The following EPHA5 variants were observed in gnomAD, a reference collection of about 807,000 sequenced individuals.
EPHA5 encodes ephrin type-A receptor 5.
In EPHA5, 60 loss-of-function variants were observed where a neutral mutation model predicts 105.0. The observed-to-expected ratio is 0.57, with a 90% CI of 0.46 to 0.71. The LOEUF (loss-of-function observed/expected upper bound fraction) is 0.71. Among genes scored for constraint, EPHA5 ranks in the 30% least tolerant of loss-of-function variants. The pLI is 0.00. For missense variants in EPHA5, 1,218 were observed against 1,274.7 expected (o/e 0.96, Z 0.68); for synonymous variants, 513 against 449.1 (o/e 1.14, Z -1.80).
intron 3 of EPHA5, among the ~76,000 whole-genome samples, chr4:65,514,700 G>A (rs1206537754): frequency 6.6e-6 from 1 of 152,122 alleles, no homozygotes; most frequent in Non-Finnish European, 1.5e-5. Flanking sequence ...AATAATAACA[G>A]AACACTCCCA....
At chr4:65,643,256 C>T in intron 2 of EPHA5, 107 bp downstream of exon 2, 1 of 876,672 alleles carries the variant, frequency 1.1e-6, no homozygotes, top group Non-Finnish European at 1.8e-6. Context: ...CATAGCACCT[C>T]CTGTCTTAAC....
intron 3 of EPHA5, among the ~76,000 whole-genome samples, chr4:65,532,602 T>G (rs541365876): frequency 1.2e-5 from 1 of 83,148 alleles, no homozygotes; most frequent in Non-Finnish European, 2.3e-5. Context: ...ATTTTTCCAA[T>G]AGCTCTTTTT....
intron 1 of EPHA5, among the ~76,000 whole-genome samples, chr4:65,659,690 A>C (rs1197271766): frequency 6.6e-6 from 1 of 152,172 alleles, no homozygotes; most frequent in Non-Finnish European, 1.5e-5. Flanking sequence ...AGTTATGATT[A>C]CTTTATACAC....
chr4:65,399,110 C>T (rs773649625), intron 8 of EPHA5, among the ~76,000 whole-genome samples: 2 of 152,182 alleles, frequency 1.3e-5, no homozygotes, highest in Non-Finnish European at 2.9e-5. Flanking sequence ...GAATGTGACA[C>T]CCTCTTTGGG....
Position 65,564,249 on chromosome 4 carries a change from A to G in EPHA5, c.910+37392T>C, listed in dbSNP as rs547856847. Among the ~76,000 whole-genome samples, 21 of 152,008 alleles carry G rather than the reference A, an allele frequency of 1.4e-4. No individual in the cohort carries two copies. The East Asian group carries it at 3.9e-3, about 28-fold the overall frequency. On this transcript the variant is annotated intron_variant, in intron 3 of 16. Coordinates refer to ENST00000613740, the MANE Select transcript of EPHA5 (RefSeq NM_001281766.3). ...CCAACATTAGTTTCTAAATCAAAGTACCCATAGGAGTTCTTAACCCAAAAG... is the reference window on the plus strand; with the variant it reads ...CCAACATTAGTTTCTAAATCAAAGTGCCCATAGGAGTTCTTAACCCAAAAG...
chr4:65,666,092 A>G (rs1749943359), intron 1 of EPHA5, among the ~76,000 whole-genome samples: 1 of 152,184 alleles, frequency 6.6e-6, no homozygotes, highest in Non-Finnish European at 1.5e-5. Context: ...AAAACCCTAA[A>G]ACAAACTTTT....
chr4:65,330,716 T>C (rs1577824869), intron 16 of EPHA5: 1 of 948,324 alleles, frequency 1.1e-6, no homozygotes, highest in African/African-American at 1.8e-5. Context: ...AAAAATAGTT[T>C]TAAATTATCA....
intron 3 of EPHA5, among the ~76,000 whole-genome samples, chr4:65,597,016 G>C (rs1743258558): frequency 6.6e-6 from 1 of 152,144 alleles, no homozygotes; most frequent in African/African-American, 2.4e-5. Context: ...TACTGTTTCT[G>C]AATCAAGGCT....
chr4:65,533,012 C>CTGTGGCATTTTG (rs1307979178), intron 3 of EPHA5, among the ~76,000 whole-genome samples: 1 of 152,068 alleles, frequency 6.6e-6, no homozygotes, highest in Non-Finnish European at 1.5e-5. Flanking sequence ...TGCATTTTGA[C>CTGTGGCATTTTG]TCTTCCTTGT....
chr4:65,393,221 C>A (rs1319994596), intron 8 of EPHA5, among the ~76,000 whole-genome samples: 1 of 152,054 alleles, frequency 6.6e-6, no homozygotes, highest in Non-Finnish European at 1.5e-5. Flanking sequence ...AGTCCACGTG[C>A]TTTGTATGAA....
chr4:65,554,242 TTATAA>T (rs1244650730), intron 3 of EPHA5, among the ~76,000 whole-genome samples: 20 of 148,840 alleles, frequency 1.3e-4, no homozygotes, highest in South Asian at 2.1e-4. Flanking sequence ...ATGAATATAC[TTATAA>T]TATATATAAT....
At chr4:65,364,005 T>C (rs923292285) in intron 11 of EPHA5, among the ~76,000 whole-genome samples, 4 of 151,602 alleles carry the variant, frequency 2.6e-5, no homozygotes, top group Non-Finnish European at 5.9e-5. Flanking sequence ...GCCTCTTGCC[T>C]TTCTTTAGCA....
At chr4:65,476,778 C>A (rs1729863899) in intron 5 of EPHA5, among the ~76,000 whole-genome samples, 1 of 151,938 alleles carries the variant, frequency 6.6e-6, no homozygotes. Context: ...AGGCTAAGAC[C>A]AGCTAAGCAG....
At chr4:65,420,361 C>A (rs1049824446) in intron 6 of EPHA5, 80 bp downstream of exon 6, 4 of 1,383,692 alleles carry the variant, frequency 2.9e-6, no homozygotes, top group African/African-American at 2.9e-5. Flanking sequence ...GCAACATACT[C>A]TTCTGCAAGT....
At chr4:65,429,176 T>C (rs1273108596) in intron 5 of EPHA5, among the ~76,000 whole-genome samples, 1 of 152,026 alleles carries the variant, frequency 6.6e-6, no homozygotes, top group Non-Finnish European at 1.5e-5. Flanking sequence ...TGTAGTAAAA[T>C]AAAATGAGGC....
intron 3 of EPHA5, chr4:65,574,032 C>T (rs1166400518): frequency 6.3e-7 from 1 of 1,598,602 alleles, no homozygotes; most frequent in Admixed American, 1.7e-5. Context: ...AAGAACACAC[C>T]AGAAATTTGT....
At chr4:65,381,787 G>T (rs556381251) in intron 8 of EPHA5, among the ~76,000 whole-genome samples, 3 of 151,812 alleles carry the variant, frequency 2.0e-5, no homozygotes, top group African/African-American at 7.2e-5. Flanking sequence ...CTTGAATGAG[G>T]TCAGTTTTCT....
chr4:65,483,819 G>A (rs923847140), intron 5 of EPHA5, among the ~76,000 whole-genome samples: 2 of 152,070 alleles, frequency 1.3e-5, no homozygotes, highest in African/African-American at 4.8e-5. Context: ...TGAAGTCAAA[G>A]CTGTGAAACT....
At chr4:65,581,425 A>G (rs767082062) in intron 3 of EPHA5, among the ~76,000 whole-genome samples, 6 of 151,716 alleles carry the variant, frequency 4.0e-5, no homozygotes, top group Non-Finnish European at 7.4e-5. Flanking sequence ...TACAAAGTCA[A>G]TCTCTTATTT....
Sources: gnomAD v4.1 joint callset for allele counts (sites outside exome capture counted in the v4.1 genomes callset) on GRCh38, gnomAD v4.1.1 for gene constraint, MANE v1.5 for transcripts, NCBI Gene and HGNC (gene_info 2026-07-23, HGNC 2026-07-21) for gene names.